The following PCDHA2 variants were observed in gnomAD, a reference collection of about 807,000 sequenced individuals.
PCDHA2 encodes protocadherin alpha-2.
A neutral mutation model predicts 66.0 loss-of-function variants in PCDHA2; 58 were observed. The observed-to-expected ratio is 0.88, with a 90% CI of 0.71 to 1.09. The LOEUF (loss-of-function observed/expected upper bound fraction) is 1.09. Among genes scored for constraint, PCDHA2 ranks in the 50% least tolerant of loss-of-function variants. PCDHA2 has a pLI of 0.00. For missense variants in PCDHA2, 1,267 were observed against 1,242.3 expected (o/e 1.02, Z -0.30); for synonymous variants, 634 against 554.0 (o/e 1.14, Z -2.03).
At chr5:140,967,123 C>T in intron 1 of PCDHA2, 1 of 1,612,724 alleles carries the variant, frequency 6.2e-7, no homozygotes, top group Non-Finnish European at 8.5e-7. Context: ...GCTGCCTGCT[C>T]AGCTTGGAAG....
At chr5:140,803,926 A>G (rs1763304913) in intron 1 of PCDHA2, 2 of 470,048 alleles carry the variant, frequency 4.3e-6, no homozygotes, top group South Asian at 2.6e-5. Flanking sequence ...CTTGTTTTAT[A>G]CTTATCCCTA....
chr5:140,799,512 A>C (rs1554120958), intron 1 of PCDHA2, among the ~76,000 whole-genome samples: 1 of 151,978 alleles, frequency 6.6e-6, no homozygotes, highest in African/African-American at 2.4e-5. Flanking sequence ...ATAATGCTTA[A>C]ATGTTTACTT....
chr5:140,884,113 G>T (rs782579609), intron 1 of PCDHA2: 15 of 1,613,390 alleles, frequency 9.3e-6, no homozygotes, highest in Admixed American at 3.3e-5. Context: ...AGCTGGCGGC[G>T]GTCGGCGCGC....
At chr5:140,971,292 T>C (rs1194622162) in intron 1 of PCDHA2, among the ~76,000 whole-genome samples, 1 of 152,210 alleles carries the variant, frequency 6.6e-6, no homozygotes, top group Non-Finnish European at 1.5e-5. Flanking sequence ...TAATATGTAC[T>C]TTGGTACACA....
intron 1 of PCDHA2, chr5:140,856,597 C>T: frequency 6.3e-7 from 1 of 1,597,412 alleles, no homozygotes; most frequent in East Asian, 2.2e-5. Context: ...ATATTATAAA[C>T]AAAAAAGACA....
intron 1 of PCDHA2, among the ~76,000 whole-genome samples, chr5:140,895,468 CCT>C (rs2065019844): frequency 6.6e-6 from 1 of 152,130 alleles, no homozygotes; most frequent in Non-Finnish European, 1.5e-5. Flanking sequence ...ATTTCTTTAT[CCT>C]CTTCGGAGAA....
In PCDHA2 at chr5:140,978,964, C is replaced by A; in HGVS notation, c.2404C>A (p.Pro802Thr). The A allele has an allele frequency of 6.2e-7, 1 of 1,614,122 alleles. No individual in the cohort carries two copies. The highest frequency in any genetic ancestry group is 1.3e-5 in the African/African-American group (1 of 75,040). ...GATTTTGCAGCCACGACAGCCCAAC[C>A]CTGACTGGCGTTACTCTGCCTCCCT... The part of the protein sequence containing the change: ...EYVGKPRQPN[P>T]DWRYSASLRA... Residue 802 changes from proline (P) to threonine (T), a missense_variant, in exon 2 of 4, where the codon CCT becomes ACT. Transcript: ENST00000526136.
chr5:140,861,768 T>TACCA (rs3834243), intron 1 of PCDHA2: 106,057 of 158,892 alleles, frequency 0.67, 35,632 homozygotes, highest in African/African-American at 0.71. Flanking sequence ...TCCCTGGAAA[T>TACCA]ACCAAGAGCA....
At chr5:140,812,687 C>T (rs1388647035) in intron 1 of PCDHA2, 2 of 152,182 alleles carry the variant, frequency 1.3e-5, no homozygotes, top group Non-Finnish European at 2.9e-5. Context: ...GATCATAGCT[C>T]CCTGCAAGTG....
At chr5:140,883,397 C>T in intron 1 of PCDHA2, 2 of 1,614,170 alleles carry the variant, frequency 1.2e-6, no homozygotes, top group Non-Finnish European at 1.7e-6. Flanking sequence ...TGTGTCCGAT[C>T]GTGACTCTGG....
chr5:140,927,260 T>G, intron 1 of PCDHA2: 2 of 1,614,070 alleles, frequency 1.2e-6, no homozygotes, highest in Non-Finnish European at 1.7e-6. Flanking sequence ...AACTCACCTC[T>G]CTTTCCTGCC....
At chr5:140,803,020 C>G (rs1274408864) in intron 1 of PCDHA2, 2 of 1,613,916 alleles carry the variant, frequency 1.2e-6, no homozygotes, top group Non-Finnish European at 1.7e-6. Flanking sequence ...GCGTGGCTTT[C>G]GTATGAGCTG....
intron 1 of PCDHA2, chr5:140,801,236 C>T: frequency 1.9e-6 from 3 of 1,612,882 alleles, no homozygotes; most frequent in Non-Finnish European, 2.5e-6. Context: ...GAGCCCAGTG[C>T]CTGCTGCTTT....
intron 1 of PCDHA2, among the ~76,000 whole-genome samples, chr5:140,890,337 A>G (rs1256335004): frequency 3.3e-5 from 5 of 152,192 alleles, no homozygotes; most frequent in African/African-American, 1.2e-4. Flanking sequence ...GGTAGTTGGG[A>G]TGGTTTACTA....
chr5:140,929,580 T>A (rs1035039235), intron 1 of PCDHA2: 13 of 442,122 alleles, frequency 2.9e-5, no homozygotes, highest in African/African-American at 1.0e-4. Context: ...AAAAGTAATA[T>A]GACATAAAGG....
At chr5:140,883,511 C>A in intron 1 of PCDHA2, 2 of 1,614,186 alleles carry the variant, frequency 1.2e-6, no homozygotes, top group Middle Eastern at 1.7e-4. Context: ...CGCCCTGGAC[C>A]GCGAGAGCGT....
At chr5:140,799,100 T>G (rs1387652945) in intron 1 of PCDHA2, among the ~76,000 whole-genome samples, 1 of 152,190 alleles carries the variant, frequency 6.6e-6, no homozygotes, top group Non-Finnish European at 1.5e-5. Context: ...CTATAAGTTT[T>G]TTCAAAACAT....
At chr5:140,919,355 A>C (rs2079096245) in intron 1 of PCDHA2, among the ~76,000 whole-genome samples, 1 of 152,174 alleles carries the variant, frequency 6.6e-6, no homozygotes, top group South Asian at 2.1e-4. Flanking sequence ...TTGAATCTAA[A>C]AGTGTCTCCT....
intron 1 of PCDHA2, among the ~76,000 whole-genome samples, chr5:140,871,851 A>G (rs561924103): frequency 6.6e-6 from 1 of 152,382 alleles, no homozygotes; most frequent in East Asian, 1.9e-4. Flanking sequence ...AATTATGACC[A>G]TAATAACTAT....
Sources: gnomAD v4.1 joint callset for allele counts (sites outside exome capture counted in the v4.1 genomes callset) on GRCh38, gnomAD v4.1.1 for gene constraint, MANE v1.5 for transcripts, NCBI Gene and HGNC (gene_info 2026-07-23, HGNC 2026-07-21) for gene names.